The following REV3L variants were observed in gnomAD, a reference collection of about 807,000 sequenced individuals.
REV3L encodes DNA polymerase zeta catalytic subunit.
REV3L carries 69 observed loss-of-function variants against 299.4 expected under a neutral mutation model. The ratio of observed to expected loss-of-function variants is 0.23; its 90% CI spans 0.19 to 0.28. The LOEUF (loss-of-function observed/expected upper bound fraction) is 0.28. Among genes scored for constraint, REV3L ranks in the 10% least tolerant of loss-of-function variants. REV3L has a pLI of 1.00. For missense variants in REV3L, 3,128 were observed against 3,693.8 expected, an observed-to-expected ratio of 0.85 and a Z score of 3.97; for synonymous variants, 1,238 against 1,271.4, an observed-to-expected ratio of 0.97 and a Z score of 0.56.
At chr6:111,452,628 G>C (rs1292117523) in intron 1 of REV3L, among the ~76,000 whole-genome samples, 4 of 152,174 alleles carry the variant, frequency 2.6e-5, no homozygotes, top group Non-Finnish European at 5.9e-5. Flanking sequence ...AAGTGGTTGT[G>C]AGGGACCAGG....
At chr6:111,431,687 CT>C in intron 1 of REV3L, 3 of 953,922 alleles carry the variant, frequency 3.1e-6, no homozygotes, top group Non-Finnish European at 5.1e-6. Flanking sequence ...ATTTCCATTC[CT>C]TCCCCCGTCA....
At chr6:111,482,555 C>A (rs1793878518) in intron 1 of REV3L, among the ~76,000 whole-genome samples, 195 bp downstream of exon 1, 1 of 151,878 alleles carries the variant, frequency 6.6e-6, no homozygotes, top group African/African-American at 2.4e-5. Context: ...CCGCGCAGCG[C>A]TCGCGCGGAC....
chr6:111,407,111 TAA>T (rs1409220036), intron 3 of REV3L, among the ~76,000 whole-genome samples: 1 of 151,950 alleles, frequency 6.6e-6, no homozygotes, highest in Non-Finnish European at 1.5e-5. Flanking sequence ...TCCTGTGTCT[TAA>T]AAAAACAAAG....
At chr6:111,347,297 T>C (rs1425383862) in intron 20 of REV3L, among the ~76,000 whole-genome samples, 2 of 150,836 alleles carry the variant, frequency 1.3e-5, no homozygotes, top group African/African-American at 2.4e-5. Flanking sequence ...AAAAAATATA[T>C]ATATATAATG....
chr6:111,335,670 T>C (rs1775825802), intron 21 of REV3L, 60 bp from the exon 22 acceptor site: 5 of 1,516,976 alleles, frequency 3.3e-6, no homozygotes, highest in Admixed American at 4.3e-5. Context: ...TTGAAAACAG[T>C]ACTTTTTTTC....
chr6:111,433,505 T>A (rs1250677788), intron 1 of REV3L, among the ~76,000 whole-genome samples: 1 of 152,088 alleles, frequency 6.6e-6, no homozygotes, highest in African/African-American at 2.4e-5. Flanking sequence ...CAAGGTTGAA[T>A]CAAGGAGAAA....
At chr6:111,454,375 T>C (rs1346802403) in intron 1 of REV3L, among the ~76,000 whole-genome samples, 1 of 149,596 alleles carries the variant, frequency 6.7e-6, no homozygotes, top group East Asian at 1.9e-4. Flanking sequence ...CTTCATGAAT[T>C]TTTTTTTTTT....
chr6:111,420,191 CAT>C (rs1785175828), intron 1 of REV3L, among the ~76,000 whole-genome samples: 1 of 152,102 alleles, frequency 6.6e-6, no homozygotes, highest in East Asian at 1.9e-4. Context: ...TTCTAGGTAA[CAT>C]ATAGATTTAA....
At position 111,376,414 on chromosome 6, in the gene REV3L, T is replaced by C; in HGVS notation, c.1941A>G (p.Lys647=). The change falls in exon 13 of 32, where the codon AAA becomes AAG. Residue 647 remains lysine (K), a synonymous_variant. Transcript: ENST00000368802. ...SENSHKENSK[K]EILPVSSCES... is the part of the protein sequence containing the mutation. ...CACAGGAAGATACTGGGAGGATCTC[T>C]TTCTTACTATTCTCTTTATGAGAAT... The C allele has an allele frequency of 1.2e-6, 2 of 1,613,656 alleles. No individual in the cohort carries two copies. The highest frequency in any genetic ancestry group is 1.7e-6 in the Non-Finnish European group (2 of 1,179,746).
chr6:111,372,921 C>T lies in REV3L; in HGVS notation c.5434G>A (p.Asp1812Asn), dbSNP rs3218599. 1 of 1,614,022 alleles carries T rather than the reference C, an allele frequency of 6.2e-7. No individual in the cohort carries two copies. The highest frequency in any genetic ancestry group is 8.5e-7 in the Non-Finnish European group (1 of 1,179,992). ...GCAGTAAAAGAGGTATTGGCTGAGT[C>T]AAGAGACTGTCCCATTTCTTTTCTG... is the stretch of plus-strand genomic sequence containing the variant. ...HTRKEMGQSL[D>N]SANTSFTAIL... is the part of the protein sequence containing the mutation. Residue 1812 changes from aspartate (D) to asparagine (N), a missense_variant, in exon 13 of 32, where the codon GAC (aspartate) becomes AAC (asparagine). Coordinates refer to ENST00000368802, the MANE Select transcript of REV3L (RefSeq NM_001372078.1).
intron 11 of REV3L, 139 bp downstream of exon 11, chr6:111,379,843 G>C (rs1780648415): frequency 1.5e-6 from 1 of 658,882 alleles, no homozygotes; most frequent in East Asian, 2.6e-5. Context: ...ATGAAAAACA[G>C]ATCACTAAAG....
At chr6:111,316,959 T>C (rs1278692859) in intron 26 of REV3L, among the ~76,000 whole-genome samples, 5 of 152,252 alleles carry the variant, frequency 3.3e-5, no homozygotes, top group East Asian at 1.9e-4. Context: ...ATAAAATGCA[T>C]TGGGCATCTT....
chr6:111,468,972 C>T (rs527391112), intron 1 of REV3L, among the ~76,000 whole-genome samples: 2 of 152,064 alleles, frequency 1.3e-5, no homozygotes, highest in African/African-American at 4.8e-5. Flanking sequence ...ACCAGCCTGG[C>T]CAAAATGGTG....
rs112896096 is a variant in REV3L, at chr6:111,401,832, C to T, written c.565+3638G>A. 7.3e-3 allele frequency among the ~76,000 whole-genome samples: 1,118 copies of T among 152,166 alleles called. 13 individuals carry two copies. Among genetic ancestry groups the T allele is most frequent in the African/African-American group, 0.026 (1,064 of 41,498 alleles). ...ATTATTTGATAAAGATTCTGGAGGC[C>T]AGGCATGGTGGCTCATGCCTGTAAT... is the stretch of plus-strand genomic sequence containing the variant. On this transcript the variant is annotated intron_variant, in intron 4 of 31. Coordinates refer to ENST00000368802, the MANE Select transcript of REV3L (RefSeq NM_001372078.1).
At chr6:111,357,857 A>G (rs752359555) in intron 17 of REV3L, among the ~76,000 whole-genome samples, 1 of 152,096 alleles carries the variant, frequency 6.6e-6, no homozygotes, top group Non-Finnish European at 1.5e-5. Context: ...AGAAAGCCTT[A>G]ATTTGTAGTG....
intron 18 of REV3L, chr6:111,354,160 A>G (rs964496214): frequency 2.6e-5 from 4 of 152,226 alleles, no homozygotes; most frequent in African/African-American, 7.2e-5. Context: ...CAGCTACAAC[A>G]TGAAGAGGAT....
At chr6:111,455,132 C>T (rs34530632) in intron 1 of REV3L, among the ~76,000 whole-genome samples, 5,883 of 152,126 alleles carry the variant, frequency 0.039, 157 homozygotes, top group Non-Finnish European at 0.055. Context: ...AACAGGGATA[C>T]AAAGTACAAT....
chr6:111,377,688 C>T lies in REV3L; in HGVS notation c.1597+13G>A. The stretch of plus-strand genomic sequence containing the variant: ...TGAATAACCAATTTCTCACAGTAGA[C>T]TTGTTTACTTACCACTATTTTCATC... On this transcript the variant is annotated intron_variant, in intron 12 of 31. Transcript: ENST00000368802. 1 of 1,607,552 alleles carries T rather than the reference C, an allele frequency of 6.2e-7. No homozygotes were observed.
chr6:111,312,935 A>G (rs1227463539), intron 28 of REV3L: 1 of 153,494 alleles, frequency 6.5e-6, no homozygotes, highest in Non-Finnish European at 1.4e-5. Flanking sequence ...AATAGGCAGG[A>G]AACTCTCATG....
Sources: gnomAD v4.1 joint callset for allele counts (sites outside exome capture counted in the v4.1 genomes callset) on GRCh38, gnomAD v4.1.1 for gene constraint, MANE v1.5 for transcripts, NCBI Gene and HGNC (gene_info 2026-07-23, HGNC 2026-07-21) for gene names.